The following PDS5B variants were observed in gnomAD, a reference collection of about 807,000 sequenced individuals.
PDS5B encodes the protein sister chromatid cohesion protein PDS5 homolog B.
A neutral mutation model predicts 184.1 loss-of-function variants in PDS5B; 51 were observed. The ratio of observed to expected loss-of-function variants is 0.28; its 90% CI spans 0.22 to 0.35. The LOEUF is 0.35. Among genes scored for constraint, PDS5B ranks in the 10% least tolerant of loss-of-function variants. The pLI, the probability that PDS5B is intolerant of heterozygous loss-of-function variation, is 1.00. For synonymous variants in PDS5B, 566 were observed against 569.2 expected (o/e 0.99, Z 0.08); for missense variants, 1,180 against 1,723.3 (o/e 0.68, Z 5.58).
chr13:32,753,286 CT>C (rs763510012), intron 24 of PDS5B, 45 bp from the exon 25 acceptor site: 1 of 1,497,658 alleles, frequency 6.7e-7, no homozygotes, highest in East Asian at 2.3e-5. Context: ...AGTTGTTACT[CT>C]TTGCTGCCAT....
At chr13:32,603,077 G>A (rs1652007138) in intron 1 of PDS5B, among the ~76,000 whole-genome samples, 1 of 152,188 alleles carries the variant, frequency 6.6e-6, no homozygotes, top group African/African-American at 2.4e-5. Flanking sequence ...TTCTTTTGCT[G>A]TGCAGAAGCT....
intron 19 of PDS5B, among the ~76,000 whole-genome samples, chr13:32,731,011 C>A (rs531321981): frequency 6.6e-6 from 1 of 152,266 alleles, no homozygotes; most frequent in African/African-American, 2.4e-5. Context: ...GAGAGGGCAT[C>A]CTTGTCTTGT....
chr13:32,760,903 CTCTG>C (rs1167232369), intron 30 of PDS5B, among the ~76,000 whole-genome samples, 183 bp downstream of exon 30: 3 of 152,152 alleles, frequency 2.0e-5, no homozygotes, highest in Non-Finnish European at 4.4e-5. Flanking sequence ...TGGATGGGTG[CTCTG>C]TCTTAGTCTT....
At chr13:32,704,542 A>G (rs150656708) in intron 17 of PDS5B, among the ~76,000 whole-genome samples, 1 of 152,246 alleles carries the variant, frequency 6.6e-6, no homozygotes, top group African/African-American at 2.4e-5. Flanking sequence ...TTTCAAAGGC[A>G]CATGGTAGAT....
At chr13:32,772,807 A>G (rs1434688559) in intron 33 of PDS5B, among the ~76,000 whole-genome samples, 4 of 152,130 alleles carry the variant, frequency 2.6e-5, no homozygotes, top group Non-Finnish European at 4.4e-5. Context: ...AGAGAAGTGA[A>G]TGGATTTGAG....
At chr13:32,698,839 C>T (rs534510070) in intron 15 of PDS5B, among the ~76,000 whole-genome samples, 64 of 152,038 alleles carry the variant, frequency 4.2e-4, no homozygotes, top group African/African-American at 1.3e-3. Flanking sequence ...CTGCAACCTC[C>T]GCCTCCCGGG....
chr13:32,671,577 G>A (rs1336731041), intron 7 of PDS5B, among the ~76,000 whole-genome samples: 2 of 152,080 alleles, frequency 1.3e-5, no homozygotes, highest in Non-Finnish European at 2.9e-5. Context: ...TTGATAAATA[G>A]GAAGGACAAA....
chr13:32,679,624 G>C (rs1172322761), intron 10 of PDS5B, among the ~76,000 whole-genome samples: 1 of 150,130 alleles, frequency 6.7e-6, no homozygotes, highest in Non-Finnish European at 1.5e-5. Context: ...CAACAAGAGC[G>C]AAACTCTTTA....
chr13:32,642,706 C>T (rs1036697558), intron 1 of PDS5B, among the ~76,000 whole-genome samples: 1 of 151,920 alleles, frequency 6.6e-6, no homozygotes, highest in Non-Finnish European at 1.5e-5. Context: ...CCACCTTTTC[C>T]TTCAGTCATA....
At chr13:32,694,503 G>C (rs1951646912) in intron 14 of PDS5B, among the ~76,000 whole-genome samples, 199 bp downstream of exon 14, 1 of 151,792 alleles carries the variant, frequency 6.6e-6, no homozygotes, top group Non-Finnish European at 1.5e-5. Flanking sequence ...ATCTGCAAAA[G>C]GTAATACCCA....
chr13:32,776,456 A>G lies in PDS5B; in HGVS notation c.*1404A>G, dbSNP rs940810762. ...TTCATTGTAATCTGCAAAATGTAGA[A>G]ATAAATTACTTAAGGCAGTATCCTT... On this transcript the variant is annotated 3_prime_UTR_variant, in exon 35 of 35. Coordinates refer to ENST00000315596, the MANE Select transcript of PDS5B (RefSeq NM_015032.4). The G allele has an allele frequency of 3.3e-5, 5 of 152,140 alleles. No homozygotes were observed. Among genetic ancestry groups the G allele is most frequent in the Non-Finnish European group, 7.4e-5 (5 of 67,928 alleles). 9.4% of individuals were successfully genotyped at this position (152,140 alleles called of 1,614,324 possible).
At chr13:32,723,996 C>G (rs1377686758) in intron 19 of PDS5B, among the ~76,000 whole-genome samples, 1 of 152,234 alleles carries the variant, frequency 6.6e-6, no homozygotes, top group Non-Finnish European at 1.5e-5. Context: ...TCCACACACT[C>G]CCTTGCTCCT....
At chr13:32,629,996 A>C (rs1047264492) in intron 1 of PDS5B, among the ~76,000 whole-genome samples, 1 of 152,234 alleles carries the variant, frequency 6.6e-6, no homozygotes, top group African/African-American at 2.4e-5. Context: ...AAGATACCCA[A>C]TTGCATTCAA....
intron 6 of PDS5B, among the ~76,000 whole-genome samples, chr13:32,663,836 C>G: frequency 6.6e-6 from 1 of 152,092 alleles, no homozygotes; most frequent in East Asian, 1.9e-4. Context: ...GTACATTGTA[C>G]CCAATGTGTA....
intron 11 of PDS5B, among the ~76,000 whole-genome samples, chr13:32,686,228 C>T (rs1250727509): frequency 2.0e-5 from 3 of 152,126 alleles, no homozygotes; most frequent in Admixed American, 6.5e-5. Flanking sequence ...ATGCCAGATG[C>T]ACTGTAACAA....
chr13:32,644,845 A>G (rs1218597174), intron 1 of PDS5B, among the ~76,000 whole-genome samples: 1 of 152,174 alleles, frequency 6.6e-6, no homozygotes, highest in African/African-American at 2.4e-5. Context: ...TAATTTAAAT[A>G]TGATTTTCTT....
Position 32,659,448 on chromosome 13 carries a change from C to T in PDS5B, c.624+168C>T, listed in dbSNP as rs533506996. On this transcript the variant is annotated intron_variant, in intron 6 of 34. Coordinates refer to ENST00000315596, the MANE Select transcript of PDS5B (RefSeq NM_015032.4). ...GTGATTAATGTGTAATAAAAAGATA[C>T]ACTTAATAACTAATAAGAAATTGTA... Among the ~76,000 whole-genome samples, 5 of 152,220 alleles carry T rather than the reference C, an allele frequency of 3.3e-5. No individual in the cohort carries two copies. In the South Asian group the frequency reaches 1.0e-3, roughly 32 times the overall value.
At chr13:32,710,962 A>G (rs1369202191) in intron 19 of PDS5B, among the ~76,000 whole-genome samples, 1 of 152,130 alleles carries the variant, frequency 6.6e-6, no homozygotes, top group African/African-American at 2.4e-5. Context: ...CTGCTGATAA[A>G]TAGAACAAAG....
chr13:32,724,484 G>A (rs1952827048), intron 19 of PDS5B, among the ~76,000 whole-genome samples: 1 of 152,154 alleles, frequency 6.6e-6, no homozygotes, highest in Non-Finnish European at 1.5e-5. Context: ...CACTCTGCTT[G>A]CAGCAGGAAT....
Sources: allele counts gnomAD v4.1 joint callset (sites outside exome capture counted in the v4.1 genomes callset), GRCh38; gene constraint gnomAD v4.1.1; transcripts MANE v1.5; gene names NCBI Gene and HGNC (gene_info 2026-07-23, HGNC 2026-07-21).